The following AP5Z1 variants were observed in gnomAD, a reference collection of about 807,000 sequenced individuals.
AP5Z1 encodes the protein adaptor related protein complex 5 subunit zeta 1.
In AP5Z1, 106 loss-of-function variants were observed where a neutral mutation model predicts 83.0. The observed-to-expected ratio is 1.28, with a 90% confidence interval of 1.09 to 1.50. The LOEUF (loss-of-function observed/expected upper bound fraction) is 1.50. Ranked by LOEUF, AP5Z1 falls within the 40% of genes most tolerant of loss-of-function variation. The pLI, the probability that AP5Z1 is intolerant of heterozygous loss-of-function variation, is 0.00. For synonymous variants in AP5Z1, 751 were observed against 514.1 expected (o/e 1.46, Z -6.23); for missense variants, 1,565 against 1,094.2 (o/e 1.43, Z -6.07).
At chr7:4,782,725 G>C (rs915778377) in intron 3 of AP5Z1, among the ~76,000 whole-genome samples, 1 of 151,886 alleles carries the variant, frequency 6.6e-6, no homozygotes, top group South Asian at 2.1e-4. Flanking sequence ...CCTGGCCTTT[G>C]GAACAAGATG....
At chr7:4,785,368 A>G (rs1432077683) in intron 7 of AP5Z1, 47 bp from the exon 8 acceptor site, 1 of 1,595,822 alleles carries the variant, frequency 6.3e-7, no homozygotes, top group Admixed American at 1.7e-5. Flanking sequence ...TCATTGGGCC[A>G]CTCTAAGGCT....
At chr7:4,785,226 C>T (rs1369896613) in intron 7 of AP5Z1, among the ~76,000 whole-genome samples, 178 bp downstream of exon 7, 1 of 152,150 alleles carries the variant, frequency 6.6e-6, no homozygotes, top group African/African-American at 2.4e-5. Context: ...TCTTCAGGCT[C>T]CACCCCAGCC....
At chr7:4,776,168 C>G (rs1781219917) in intron 1 of AP5Z1, among the ~76,000 whole-genome samples, 1 of 151,534 alleles carries the variant, frequency 6.6e-6, no homozygotes, top group Admixed American at 6.6e-5. Context: ...GGCTGGGGAG[C>G]TGGAGGCCAT....
chr7:4,786,308 G>T lies in AP5Z1; in HGVS notation c.1191G>T (p.Pro397=), dbSNP rs1234994936. The stretch of plus-strand genomic sequence containing the variant: ...ACCAGCACCTGTTCACCAGGATCCC[G>T]GTGGAGCAGTTCCACAGCCCCATGC... ...AVYQHLFTRI[P]VEQFHSPMLA... The change falls in exon 10 of 17, where the codon CCG becomes CCT. Residue 397 remains proline, a synonymous_variant. Coordinates refer to ENST00000649063, the MANE Select transcript of AP5Z1 (RefSeq NM_014855.3). 5 of 1,613,774 alleles carry T rather than the reference G, an allele frequency of 3.1e-6. No individual in the cohort carries two copies. Among genetic ancestry groups the T allele is most frequent in the Non-Finnish European group, 4.2e-6 (5 of 1,179,796 alleles).
At chr7:4,789,655 C>T (rs533909369) in intron 13 of AP5Z1, among the ~76,000 whole-genome samples, 177 bp from the exon 14 acceptor site, 2 of 152,338 alleles carry the variant, frequency 1.3e-5, no homozygotes, top group African/African-American at 4.8e-5. Flanking sequence ...CAGGGCTTCC[C>T]TCCCTGTGCC....
chr7:4,788,319 C>A, intron 12 of AP5Z1, 25 bp downstream of exon 12: 1 of 1,553,222 alleles, frequency 6.4e-7, no homozygotes, highest in Non-Finnish European at 8.7e-7. Flanking sequence ...GGCCAGGGGG[C>A]CACCAGTGGC....
Position 4,791,495 on chromosome 7 carries a change from G to GGCAAGGCCCAC in AP5Z1, c.*112_*122dup. Reference sequence around the variant, plus strand: ...AGGGCGCGGGAGTCCTGGGAGAGGAGGCAAGGCCCACGGTGGGCTTGGCAC... The same window carrying GGCAAGGCCCAC: ...AGGGCGCGGGAGTCCTGGGAGAGGAGGCAAGGCCCACGCAAGGCCCACGGTGGGCTTGGCAC... On this transcript the variant is annotated 3_prime_UTR_variant, in exon 17 of 17. Transcript: ENST00000649063. 6.9e-7 allele frequency: 1 copy of GGCAAGGCCCAC among 1,442,406 alleles called. No individual in the cohort carries two copies. The highest frequency in any genetic ancestry group is 1.4e-5 in the South Asian group (1 of 69,950). 89.4% of individuals were successfully genotyped at this position (1,442,406 alleles called of 1,614,324 possible). A position where few individuals can be genotyped will look rare whatever the true frequency, so the allele number is the denominator to read the frequency against.
intron 2 of AP5Z1, 89 bp from the exon 3 acceptor site, chr7:4,781,479 A>G: frequency 4.5e-6 from 7 of 1,544,974 alleles, no homozygotes; most frequent in Admixed American, 3.7e-5. Flanking sequence ...CACTGGCCCA[A>G]GGGTGCCCGG....
intron 12 of AP5Z1, 52 bp downstream of exon 12, chr7:4,788,346 C>G: frequency 6.6e-7 from 1 of 1,515,232 alleles, no homozygotes; most frequent in South Asian, 1.3e-5. Flanking sequence ...AGCCCGGCCA[C>G]AGCCACTGGG....
At chr7:4,790,383 C>T (rs745590314) in intron 14 of AP5Z1, 76 bp from the exon 15 acceptor site, 4 of 1,605,736 alleles carry the variant, frequency 2.5e-6, no homozygotes, top group Non-Finnish European at 3.4e-6. Context: ...TCCCGGGTTT[C>T]TCCAGGCCCT....
chr7:4,791,197 G>A lies in AP5Z1; in HGVS notation c.2236G>A (p.Ala746Thr), dbSNP rs904863330. 1.2e-6 allele frequency: 2 copies of A among 1,612,654 alleles called. No homozygotes were observed. Among genetic ancestry groups the A allele is most frequent in the Non-Finnish European group, 1.7e-6 (2 of 1,179,800 alleles). ...SSTHSEEGAE[A>T]IRTRATELLT... The stretch of plus-strand genomic sequence containing the variant: ...CACGCACAGCGAGGAGGGCGCGGAA[G>A]CCATCCGTACCCGGGCCACAGAGCT... Residue 746 changes from alanine (A) to threonine (T), a missense_variant, in exon 17 of 17, where the codon GCC (alanine) becomes ACC (threonine). Physicochemically the swap from Ala to Thr is moderately conservative, Grantham distance 58. Coordinates refer to ENST00000649063, the MANE Select transcript of AP5Z1 (RefSeq NM_014855.3).
chr7:4,785,086 T>C lies in AP5Z1; in HGVS notation c.931+38T>C, dbSNP rs534197863. 16 of 1,556,430 alleles carry C rather than the reference T, an allele frequency of 1.0e-5. 1 individual carries two copies. The South Asian group carries it at 1.2e-4, about 12-fold the overall frequency. On this transcript the variant is annotated intron_variant, in intron 7 of 16. Transcript: ENST00000649063. ...CCCAGGGCACTGGCCTCCCCAGGGC[T>C]CGACGCACCTGCTCTGCAAGGCCAC...
At chr7:4,777,572 A>G (rs1441410174) in intron 1 of AP5Z1, among the ~76,000 whole-genome samples, 1 of 152,010 alleles carries the variant, frequency 6.6e-6, no homozygotes, top group Non-Finnish European at 1.5e-5. Context: ...TATCTTTAGT[A>G]GAGATGGGAT....
Position 4,779,222 on chromosome 7 carries a change from ATATAT to A in AP5Z1, c.42-1950_42-1946del, listed in dbSNP as rs528741150. Among the ~76,000 whole-genome samples, 453 of 131,912 alleles carry A rather than the reference ATATAT, an allele frequency of 3.4e-3. 6 individuals are homozygous for A. Among genetic ancestry groups the A allele is most frequent in the African/African-American group, 0.011 (413 of 38,952 alleles). 86.5% of individuals were successfully genotyped at this position (131,912 alleles called of 152,430 possible). A position where few individuals can be genotyped will look rare whatever the true frequency, so the allele number is the denominator to read the frequency against. On this transcript the variant is annotated intron_variant, in intron 1 of 16. Coordinates refer to ENST00000649063, the MANE Select transcript of AP5Z1 (RefSeq NM_014855.3). ...ATATATAGCATATATTATGTATAAC[ATATAT>A]TAGATATAACATATATAACATTAGA...
Position 4,791,506 on chromosome 7 carries a change from C to T in AP5Z1, c.*121C>T, listed in dbSNP as rs544740791. The stretch of plus-strand genomic sequence containing the variant: ...GTCCTGGGAGAGGAGGCAAGGCCCA[C>T]GGTGGGCTTGGCACCCTCACAGACA... On this transcript the variant is annotated 3_prime_UTR_variant, in exon 17 of 17. Coordinates refer to ENST00000649063, the MANE Select transcript of AP5Z1 (RefSeq NM_014855.3). 3.4e-4 allele frequency: 472 copies of T among 1,407,672 alleles called. No homozygotes were observed. The highest frequency in any genetic ancestry group is 6.6e-4 in the Admixed American group (26 of 39,298). The allele number at this position is 1,407,672 out of a possible 1,614,324, so 87.2% of individuals were successfully genotyped here. A position where few individuals can be genotyped will look rare whatever the true frequency, so the allele number is the denominator to read the frequency against.
rs1781541763 is a variant in AP5Z1, at chr7:4,786,299, C to T, written c.1182C>T (p.Thr394=). 6.2e-7 allele frequency: 1 copy of T among 1,613,472 alleles called. No homozygotes were observed. Among genetic ancestry groups the T allele is most frequent in the Non-Finnish European group, 8.5e-7 (1 of 1,179,738 alleles). The change falls in exon 10 of 17, where the codon ACC becomes ACT. Residue 394 remains threonine, a synonymous_variant. Coordinates refer to ENST00000649063, the MANE Select transcript of AP5Z1 (RefSeq NM_014855.3). ...AAGCCGTCTACCAGCACCTGTTCAC[C>T]AGGATCCCGGTGGAGCAGTTCCACA... ...DSEAVYQHLF[T]RIPVEQFHSP...
rs746832364 is a variant in AP5Z1, at chr7:4,781,331, C to T, written c.179+19C>T. On this transcript the variant is annotated intron_variant, in intron 2 of 16. Coordinates refer to ENST00000649063, the MANE Select transcript of AP5Z1 (RefSeq NM_014855.3). Reference sequence around the variant, plus strand: ...GCCGGAGGTGAGTGTGGCGACGGCTCAGGCCGGCTCCTCACACAGCGGCCC... The same window carrying T: ...GCCGGAGGTGAGTGTGGCGACGGCTTAGGCCGGCTCCTCACACAGCGGCCC... 3 of 1,611,842 alleles carry T rather than the reference C, an allele frequency of 1.9e-6. No individual in the cohort carries two copies. The highest frequency in any genetic ancestry group is 1.7e-5 in the Admixed American group (1 of 60,022).
intron 1 of AP5Z1, among the ~76,000 whole-genome samples, chr7:4,779,179 A>G (rs1039103486): frequency 6.9e-6 from 1 of 145,950 alleles, no homozygotes; most frequent in African/African-American, 2.5e-5. Flanking sequence ...TATATAACAT[A>G]ACATATATAA....
rs76100044 is a variant in AP5Z1 at position 4,790,338 on chromosome 7, C to T, written c.1806-121C>T. On this transcript the variant is annotated intron_variant, in intron 14 of 16. Coordinates refer to ENST00000649063, the MANE Select transcript of AP5Z1 (RefSeq NM_014855.3). ...CTGGCAGTCTTCTGTGTTCCTCTAT[C>T]GGAGGGTGCAGCATACACCTACCAC... The T allele has an allele frequency of 4.6e-3, 7,139 of 1,559,208 alleles. 242 individuals are homozygous for T. In the African/African-American group the frequency reaches 0.08, roughly 17 times the overall value.
Sources: gnomAD v4.1 joint callset for allele counts (sites outside exome capture counted in the v4.1 genomes callset) on GRCh38, gnomAD v4.1.1 for gene constraint, MANE v1.5 for transcripts, NCBI Gene and HGNC (gene_info 2026-07-23, HGNC 2026-07-21) for gene names.